The following KLRG1 variants were observed in gnomAD, a reference collection of about 807,000 sequenced individuals.
KLRG1 encodes killer cell lectin-like receptor subfamily G member 1.
A neutral mutation model predicts 21.8 loss-of-function variants in KLRG1; 16 were observed. The ratio of observed to expected loss-of-function variants is 0.73; its 90% CI spans 0.50 to 1.11. The LOEUF (loss-of-function observed/expected upper bound fraction) is 1.11, where lower values mean the gene tolerates loss of function less well. KLRG1 is among the 50% of genes most tolerant of loss of function. The pLI is 0.00. For missense variants in KLRG1, 173 were observed against 218.3 expected (o/e 0.79, Z 1.31); for synonymous variants, 69 against 75.9 (o/e 0.91, Z 0.47).
the KLRG1 span, chr12:9,101,290 G>T: frequency 1.4e-6 from 2 of 1,424,128 alleles, no homozygotes; most frequent in Non-Finnish European, 1.9e-6. Flanking sequence ...GTTTTATTGA[G>T]TCCCTGCCGG....
At chr12:9,000,664 T>G (rs765207276) in intron 3 of KLRG1, among the ~76,000 whole-genome samples, 2 of 152,356 alleles carry the variant, frequency 1.3e-5, no homozygotes, top group South Asian at 4.1e-4. Context: ...CTTAGAACAC[T>G]GTTTTCAAGG....
At chr12:9,208,558 T>G in the KLRG1 span, among the ~76,000 whole-genome samples, 36 of 152,296 alleles carry the variant, frequency 2.4e-4, no homozygotes, top group Non-Finnish European at 4.7e-4. Context: ...TGATAGGTAC[T>G]GAGGCATGTC....
chr12:9,189,360 C>T, the KLRG1 span, among the ~76,000 whole-genome samples: 1 of 152,178 alleles, frequency 6.6e-6, no homozygotes, highest in Admixed American at 6.5e-5. Flanking sequence ...CCACAACCAT[C>T]TGATCTTCAA....
the KLRG1 span, among the ~76,000 whole-genome samples, chr12:9,070,986 A>G: frequency 3.3e-5 from 5 of 151,972 alleles, no homozygotes; most frequent in East Asian, 9.6e-4. Context: ...ACGTCCGACT[A>G]ATTTTGTATT....
the KLRG1 span, among the ~76,000 whole-genome samples, chr12:9,183,736 C>A: frequency 1.3e-5 from 2 of 152,178 alleles, no homozygotes; most frequent in African/African-American, 4.8e-5. Context: ...AGATTGGTGG[C>A]ACTCAATTAA....
the KLRG1 span, among the ~76,000 whole-genome samples, chr12:9,129,693 G>A: frequency 1.3e-5 from 2 of 151,926 alleles, 1 homozygote. Flanking sequence ...GACTACAGGC[G>A]CCCGCCACCA....
the KLRG1 span, chr12:9,164,357 G>A: frequency 1.5e-6 from 2 of 1,319,844 alleles, no homozygotes; most frequent in Non-Finnish European, 2.1e-6. Flanking sequence ...CAGTAAATTG[G>A]GATTTGTAAG....
At chr12:9,033,866 A>G in the KLRG1 span, among the ~76,000 whole-genome samples, 1 of 152,186 alleles carries the variant, frequency 6.6e-6, no homozygotes, top group East Asian at 1.9e-4. Flanking sequence ...TTTATCCAAG[A>G]GGACTCCCTA....
the KLRG1 span, chr12:9,072,901 A>G: frequency 6.3e-7 from 1 of 1,582,898 alleles, no homozygotes; most frequent in Non-Finnish European, 8.6e-7. Flanking sequence ...GAGAGAACCC[A>G]TTGGGCATTA....
the KLRG1 span, among the ~76,000 whole-genome samples, chr12:9,102,985 G>T: frequency 3.9e-4 from 60 of 152,208 alleles, 1 homozygote; most frequent in East Asian, 0.01. Flanking sequence ...AATATGTATT[G>T]TATATCCATG....
chr12:9,147,873 C>T, the KLRG1 span, among the ~76,000 whole-genome samples: 2 of 152,144 alleles, frequency 1.3e-5, no homozygotes, highest in Non-Finnish European at 2.9e-5. Context: ...AGCATGTCTT[C>T]CTATTGAGAC....
the KLRG1 span, among the ~76,000 whole-genome samples, chr12:9,144,141 C>T: frequency 6.6e-6 from 1 of 151,958 alleles, no homozygotes; most frequent in Non-Finnish European, 1.5e-5. Flanking sequence ...GGCAAAGGGC[C>T]TCTTGAACCA....
the KLRG1 span, among the ~76,000 whole-genome samples, chr12:9,146,268 A>G: frequency 6.6e-6 from 1 of 151,614 alleles, no homozygotes; most frequent in African/African-American, 2.4e-5. Flanking sequence ...CTGGTGTTCA[A>G]ATTAACTGAT....
At chr12:9,114,704 C>T in the KLRG1 span, among the ~76,000 whole-genome samples, 1 of 140,744 alleles carries the variant, frequency 7.1e-6, no homozygotes, top group Admixed American at 7.2e-5. Context: ...CTTATGTTCA[C>T]ATATATACAT....
chr12:8,985,975 G>A, upstream of KLRG1, among the ~76,000 whole-genome samples: 1 of 152,168 alleles, frequency 6.6e-6, no homozygotes, highest in East Asian at 1.9e-4. Flanking sequence ...GATGAAAGGA[G>A]GGCAGAAGAA....
the KLRG1 span, chr12:9,196,378 G>A: frequency 4.3e-6 from 7 of 1,613,642 alleles, no homozygotes; most frequent in African/African-American, 4.0e-5. Context: ...CCACTTTCAC[G>A]AATTTGAGTT....
At chr12:9,049,004 A>C in the KLRG1 span, among the ~76,000 whole-genome samples, 1 of 152,220 alleles carries the variant, frequency 6.6e-6, no homozygotes, top group Non-Finnish European at 1.5e-5. Context: ...ACAAGAGAAA[A>C]ACAGAATTTG....
At chr12:9,185,800 T>TTTTC in the KLRG1 span, among the ~76,000 whole-genome samples, 14 of 147,874 alleles carry the variant, frequency 9.5e-5, no homozygotes, top group East Asian at 2.0e-4. Context: ...ATTTCTTTTC[T>TTTTC]TTTCTTTTCT....
At chr12:9,118,883 G>T in the KLRG1 span, among the ~76,000 whole-genome samples, 1 of 152,166 alleles carries the variant, frequency 6.6e-6, no homozygotes, top group Non-Finnish European at 1.5e-5. Context: ...CCATGGAAAT[G>T]GATGATAATA....
Sources: allele counts gnomAD v4.1 joint callset (sites outside exome capture counted in the v4.1 genomes callset), GRCh38; gene constraint gnomAD v4.1.1; transcripts MANE v1.5; gene names NCBI Gene and HGNC (gene_info 2026-07-23, HGNC 2026-07-21).